MUCL3: variants seen among roughly 807,000 people sequenced by gnomAD.
MUCL3 encodes the protein mucin-like protein 3.
A neutral mutation model predicts 70.2 loss-of-function variants in MUCL3; 42 were observed. The ratio of observed to expected loss-of-function variants is 0.60; its 90% confidence interval spans 0.47 to 0.77. The LOEUF is 0.77. Among genes scored for constraint, MUCL3 ranks in the 30% least tolerant of loss-of-function variants. MUCL3 has a pLI of 0.00. For missense variants in MUCL3, 1,429 were observed against 1,670.0 expected (o/e 0.86, Z 2.52); for synonymous variants, 522 against 647.0 (o/e 0.81, Z 2.93).
chr6:30,949,128 AG>A lies in MUCL3; in HGVS notation c.665del (p.Ser222ThrfsTer41). 6.4e-7 allele frequency: 1 copy of A among 1,551,446 alleles called. No individual in the cohort carries two copies. The highest frequency in any genetic ancestry group is 1.2e-5 in the South Asian group (1 of 83,968). On this transcript the variant is annotated frameshift_variant, in exon 2 of 3. Coordinates refer to ENST00000462446, the MANE Select transcript of MUCL3 (RefSeq NM_080870.4). LOFTEE classifies it high-confidence loss of function. ...NSGNSQTKQK[S>X]TSFPEKITAA... The stretch of plus-strand genomic sequence containing the variant: ...AGGCAATTCACAGACCAAGCAAAAA[AG>A]CACATCTTTTCCAGAAAAAATCACA...
Position 30,948,934 on chromosome 6 carries a change from A to G in MUCL3, c.470A>G (p.His157Arg). The stretch of plus-strand genomic sequence containing the variant: ...CATAAAGAATCCGCTGGAAAAAAAC[A>G]TATAACGCCAGCACCCAAGAGCAAA... ...TTHKESAGKK[H>R]ITPAPKSKIN... The change falls in exon 2 of 3, where the codon CAT (histidine) becomes CGT (arginine). Residue 157 changes from histidine to arginine, a missense_variant. By Grantham distance (29) the His-to-Arg change is conservative. Coordinates refer to ENST00000462446, the MANE Select transcript of MUCL3 (RefSeq NM_080870.4). 1.9e-6 allele frequency: 3 copies of G among 1,550,608 alleles called. No individual in the cohort carries two copies. The highest frequency in any genetic ancestry group is 1.7e-4 in the Middle Eastern group (1 of 5,990).
rs371970299 is a variant in MUCL3 at position 30,950,002 on chromosome 6, C to T, written c.1538C>T (p.Thr513Ile). The change falls in exon 2 of 3, where the codon ACA (threonine) becomes ATA (isoleucine). Residue 513 changes from threonine (T) to isoleucine (I), a missense_variant. Coordinates refer to ENST00000462446, the MANE Select transcript of MUCL3 (RefSeq NM_080870.4). ...ACCCCATTTGCCAATGAGAAAACCA[C>T]ATCATCCTCAGCAGAGCCTACAGAA... ...QRTPFANEKT[T>I]SSSAEPTEHG... 7.0e-5 allele frequency: 108 copies of T among 1,548,908 alleles called. 1 individual carries two copies. The highest frequency in any genetic ancestry group is 6.3e-4 in the South Asian group (53 of 83,852).
rs765764467 is a variant in MUCL3, at chr6:30,952,305, A to G, written c.3841A>G (p.Arg1281Gly). 2 of 1,614,102 alleles carry G rather than the reference A, an allele frequency of 1.2e-6. No individual in the cohort carries two copies. The highest frequency in any genetic ancestry group is 1.7e-6 in the Non-Finnish European group (2 of 1,179,992). ...TGGTTCTTTCACCCTCATTACATCT[A>G]GAACGAAGCTGAGTTCTATCACATC... Reference protein sequence around the residue: ...PTGSFTLITSRTKLSSITSEA... With the variant: ...PTGSFTLITSGTKLSSITSEA... The change falls in exon 2 of 3, where the codon AGA (arginine) becomes GGA (glycine). Residue 1281 changes from arginine to glycine, a missense_variant. By Grantham distance (125) the Arg-to-Gly change is moderately radical (BLOSUM62 -2). Transcript: ENST00000462446.
Position 30,952,301 on chromosome 6 carries a change from A to T in MUCL3, c.3837A>T (p.Thr1279=). Residue 1279 remains threonine, a synonymous_variant, in exon 2 of 3, where the codon ACA becomes ACT. Transcript: ENST00000462446. ...QVPTGSFTLI[T]SRTKLSSITS... ...CCACTGGTTCTTTCACCCTCATTAC[A>T]TCTAGAACGAAGCTGAGTTCTATCA... 6.2e-7 allele frequency: 1 copy of T among 1,614,154 alleles called. No individual in the cohort carries two copies.
rs1459671401 is a variant in MUCL3, at chr6:30,952,366, A to G, written c.3902A>G (p.Asn1301Ser). The G allele has an allele frequency of 1.7e-5, 28 of 1,614,102 alleles. No homozygotes were observed. Among genetic ancestry groups the G allele is most frequent in the Non-Finnish European group, 2.4e-5 (28 of 1,180,050 alleles). ...ATGNESHPYL[N>S]KDGSQKGIHA... ...GGAAACGAGAGCCATCCATACCTCA[A>G]TAAAGATGGCTCACAGAAAGGTATC... The change falls in exon 2 of 3, where the codon AAT (asparagine) becomes AGT (serine). Residue 1301 changes from asparagine to serine, a missense_variant. By Grantham distance (46) the Asn-to-Ser change is conservative. Coordinates refer to ENST00000462446, the MANE Select transcript of MUCL3 (RefSeq NM_080870.4).
Position 30,951,970 on chromosome 6 carries a change from A to C in MUCL3, c.3506A>C (p.His1169Pro), listed in dbSNP as rs1002041757. The change falls in exon 2 of 3, where the codon CAC (histidine) becomes CCC (proline). Residue 1169 changes from histidine to proline, a missense_variant. His to Pro is a moderately conservative substitution (Grantham distance 77). Transcript: ENST00000462446. ...CAAGTCACAGAAAAGTCCACAGAAC[A>C]CCCAGAAAAGACCACGTCAACCACA... ...MTQVTEKSTE[H>P]PEKTTSTTEK... 1.2e-6 allele frequency: 2 copies of C among 1,612,606 alleles called. No homozygotes were observed. Among genetic ancestry groups the C allele is most frequent in the Admixed American group, 3.4e-5 (2 of 59,588 alleles).
rs1760467414 is a variant in MUCL3 at position 30,949,180 on chromosome 6, C to A, written c.716C>A (p.Thr239Asn). ...ITAASKTTYK[T>N]TGTPEESEKT... ...GCAGCCTCAAAAACAACATACAAGA[C>A]CACAGGAACCCCAGAAGAGTCAGAA... is the stretch of plus-strand genomic sequence containing the variant. The change falls in exon 2 of 3, where the codon ACC becomes AAC. Residue 239 changes from threonine to asparagine, a missense_variant. Physicochemically the swap from Thr to Asn is moderately conservative, Grantham distance 65. Coordinates refer to ENST00000462446, the MANE Select transcript of MUCL3 (RefSeq NM_080870.4). 2 of 1,551,528 alleles carry A rather than the reference C, an allele frequency of 1.3e-6. No homozygotes were observed. The highest frequency in any genetic ancestry group is 3.9e-5 in the Admixed American group (2 of 50,970).
In MUCL3 at chr6:30,953,172, G is replaced by T. The variant is rs1180091613; in HGVS notation, c.*55G>T. On this transcript the variant is annotated 3_prime_UTR_variant, in exon 3 of 3. Transcript: ENST00000462446. ...TCCATGCTCTGCCCCTTTCCTGGAT[G>T]AGGAACCGGACTCACAATTTCTATT... The T allele has an allele frequency of 4.4e-6, 7 of 1,591,738 alleles. No individual in the cohort carries two copies. The highest frequency in any genetic ancestry group is 6.0e-6 in the Non-Finnish European group (7 of 1,171,946).
intron 1 of MUCL3, among the ~76,000 whole-genome samples, chr6:30,942,332 G>T (rs1795611735): frequency 6.6e-6 from 1 of 152,206 alleles, no homozygotes; most frequent in African/African-American, 2.4e-5. Context: ...GCTGAACACA[G>T]GGGCGGTGTG....
At position 30,953,270 on chromosome 6, in the gene MUCL3, T is replaced by C. The variant is rs1760805896; in HGVS notation, c.*153T>C. The C allele has an allele frequency of 2.0e-5, 24 of 1,216,134 alleles. No homozygotes were observed. Among genetic ancestry groups the C allele is most frequent in the East Asian group, 2.6e-5 (1 of 38,898 alleles). 75.3% of individuals were successfully genotyped at this position (1,216,134 alleles called of 1,614,324 possible). The stretch of plus-strand genomic sequence containing the variant: ...ACCCTTCATCTGTTCTTGAAACTGG[T>C]TGGGGAATGAGGTGATAAGCAAGGA... On this transcript the variant is annotated 3_prime_UTR_variant, in exon 3 of 3. Transcript: ENST00000462446.
At position 30,951,589 on chromosome 6, in the gene MUCL3, C is replaced by G. The variant is rs986884813; in HGVS notation, c.3125C>G (p.Thr1042Arg). The G allele has an allele frequency of 2.3e-5, 36 of 1,542,836 alleles. No homozygotes were observed. The highest frequency in any genetic ancestry group is 2.9e-5 in the Non-Finnish European group (33 of 1,138,992). Residue 1042 changes from threonine (T) to arginine (R), a missense_variant, in exon 2 of 3, where the codon ACA becomes AGA. Coordinates refer to ENST00000462446, the MANE Select transcript of MUCL3 (RefSeq NM_080870.4). ...EKTIPSPAKP[T>R]EHEEMTPSAN... ...ACCATACCATCTCCAGCAAAGCCTA[C>G]AGAACACGAAGAAATGACCCCATCG...
In MUCL3 at chr6:30,951,908, T is replaced by C. The variant is rs1760726487; in HGVS notation, c.3444T>C (p.His1148=). The C allele has an allele frequency of 2.5e-6, 4 of 1,611,640 alleles. No homozygotes were observed. The highest frequency in any genetic ancestry group is 3.3e-4 in the Middle Eastern group (2 of 6,058). The change falls in exon 2 of 3, where the codon CAT becomes CAC. Residue 1148 remains histidine, a synonymous_variant. Transcript: ENST00000462446. The part of the protein sequence containing the change: ...ITPAPAEPIK[H]AKRTTLAHEK... ...CAGCCCCAGCAGAGCCTATAAAACA[T>C]GCAAAAAGGACCACATTGGCCCATG...
At chr6:30,941,457 CTTTTTTTTT>C (rs9278811) in intron 1 of MUCL3, among the ~76,000 whole-genome samples, 10 of 105,252 alleles carry the variant, frequency 9.5e-5, no homozygotes, top group African/African-American at 3.2e-4. Context: ...TCTTCTTCTT[CTTTTTTTTT>C]TTTTTTTTTT....
At position 30,951,036 on chromosome 6, in the gene MUCL3, G is replaced by A. The variant is rs1048789604; in HGVS notation, c.2572G>A (p.Ala858Thr). The A allele has an allele frequency of 6.4e-7, 1 of 1,550,564 alleles. No homozygotes were observed. The highest frequency in any genetic ancestry group is 8.7e-7 in the Non-Finnish European group (1 of 1,146,896). The change falls in exon 2 of 3, where the codon GCA becomes ACA. Residue 858 changes from alanine to threonine, a missense_variant. Coordinates refer to ENST00000462446, the MANE Select transcript of MUCL3 (RefSeq NM_080870.4). ...CAATGAGAAGACCACACCATTCCCA[G>A]CAGAGCCTACAGAAAATAGAGAATG... The part of the protein sequence containing the change: ...TANEKTTPFP[A>T]EPTENREWTA...
chr6:30,953,390 T>C lies in MUCL3; in HGVS notation c.*273T>C, dbSNP rs1760812848. On this transcript the variant is annotated 3_prime_UTR_variant, in exon 3 of 3. Coordinates refer to ENST00000462446, the MANE Select transcript of MUCL3 (RefSeq NM_080870.4). ...GGTCTGAGAATGAAAAGGTGTTTGATGGACATGTTGTGGGGGCACCAATGC... is the reference window on the plus strand; with the variant it reads ...GGTCTGAGAATGAAAAGGTGTTTGACGGACATGTTGTGGGGGCACCAATGC... 1 of 539,006 alleles carries C rather than the reference T, an allele frequency of 1.9e-6. No homozygotes were observed. The allele number at this position is 539,006 out of a possible 1,614,324, so 33.4% of individuals were successfully genotyped here. A position where few individuals can be genotyped will look rare whatever the true frequency, so the allele number is the denominator to read the frequency against.
intron 2 of MUCL3, 99 bp downstream of exon 2, chr6:30,952,598 G>C: frequency 7.5e-7 from 1 of 1,327,086 alleles, no homozygotes. Flanking sequence ...TCTAGGAAAA[G>C]AGACATGGCA....
intron 1 of MUCL3, among the ~76,000 whole-genome samples, chr6:30,944,560 G>C (rs2844703): frequency 0.93 from 141,960 of 152,332 alleles, 66,284 homozygotes; most frequent in East Asian, 0.98. Context: ...CAGGTATAAG[G>C]CACTGTGCCC....
intron 1 of MUCL3, among the ~76,000 whole-genome samples, chr6:30,943,790 A>G (rs1276000649): frequency 6.6e-6 from 1 of 152,226 alleles, no homozygotes; most frequent in Non-Finnish European, 1.5e-5. Context: ...AATAAGAAAG[A>G]AAAATAAAAT....
rs1206561302 is a variant in MUCL3 at position 30,953,184 on chromosome 6, T to C, written c.*67T>C. 24 of 1,573,496 alleles carry C rather than the reference T, an allele frequency of 1.5e-5. No individual in the cohort carries two copies. Among genetic ancestry groups the C allele is most frequent in the Non-Finnish European group, 1.9e-5 (22 of 1,164,178 alleles). ...CCCTTTCCTGGATGAGGAACCGGAC[T>C]CACAATTTCTATTTCCGGGACTACA... On this transcript the variant is annotated 3_prime_UTR_variant, in exon 3 of 3. Coordinates refer to ENST00000462446, the MANE Select transcript of MUCL3 (RefSeq NM_080870.4).
Sources: gnomAD v4.1 joint callset for allele counts (sites outside exome capture counted in the v4.1 genomes callset) on GRCh38, gnomAD v4.1.1 for gene constraint, MANE v1.5 for transcripts, NCBI Gene and HGNC (gene_info 2026-07-23, HGNC 2026-07-21) for gene names.